The following DOCK3 variants were observed in gnomAD, a reference collection of about 807,000 sequenced individuals.
DOCK3 encodes dedicator of cytokinesis protein 3.
DOCK3 carries 60 observed loss-of-function variants against 265.6 expected under a neutral mutation model. The observed-to-expected ratio is 0.23, with a 90% confidence interval of 0.18 to 0.28. The LOEUF (loss-of-function observed/expected upper bound fraction) is 0.28. Ranked by LOEUF, DOCK3 falls within the 10% of genes least tolerant of loss-of-function variation. The pLI, the probability that DOCK3 is intolerant of heterozygous loss-of-function variation, is 1.00. For missense variants in DOCK3, 1,981 were observed against 2,594.3 expected (o/e 0.76, Z 5.14); for synonymous variants, 881 against 938.0 (o/e 0.94, Z 1.11).
At chr3:50,930,087 C>T (rs542500070) in intron 4 of DOCK3, among the ~76,000 whole-genome samples, 1 of 152,228 alleles carries the variant, frequency 6.6e-6, no homozygotes, top group South Asian at 2.1e-4. Context: ...GCAGTTGAGG[C>T]CAAATTATCA....
intron 23 of DOCK3, among the ~76,000 whole-genome samples, chr3:51,262,496 C>CA (rs1242686043): frequency 6.6e-6 from 1 of 151,946 alleles, no homozygotes; most frequent in Non-Finnish European, 1.5e-5. Flanking sequence ...TCCAAAAAAC[C>CA]AGAACGCCTC....
chr3:51,279,989 C>T, intron 26 of DOCK3, 117 bp from the exon 27 acceptor site: 1 of 760,286 alleles, frequency 1.3e-6, no homozygotes, highest in Non-Finnish European at 2.2e-6. Context: ...TGTCATCTTT[C>T]TTCCATGATC....
chr3:51,031,116 T>A (rs1230811606), intron 5 of DOCK3, among the ~76,000 whole-genome samples: 1 of 152,234 alleles, frequency 6.6e-6, no homozygotes, highest in Non-Finnish European at 1.5e-5. Flanking sequence ...TTCATACTTT[T>A]CAATTTGCTA....
intron 5 of DOCK3, among the ~76,000 whole-genome samples, chr3:51,018,730 C>A (rs1000802850): frequency 2.6e-5 from 4 of 151,790 alleles, no homozygotes; most frequent in African/African-American, 9.7e-5. Context: ...ACAGGTATGG[C>A]ATTTTCCACT....
intron 22 of DOCK3, among the ~76,000 whole-genome samples, chr3:51,256,692 C>G (rs1423203673): frequency 6.7e-6 from 1 of 149,854 alleles, no homozygotes; most frequent in Admixed American, 6.7e-5. Context: ...CTCCCGTGTT[C>G]AAGCGATTCT....
In DOCK3 at chr3:51,245,390, C is replaced by CTT. The variant is rs71084137; in HGVS notation, c.2103-1319_2103-1318dup. Among the ~76,000 whole-genome samples, 987 of 106,646 alleles carry CTT rather than the reference C, an allele frequency of 9.3e-3. 18 individuals carry two copies. Among genetic ancestry groups the CTT allele is most frequent in the African/African-American group, 0.03 (859 of 29,002 alleles). The allele number at this position is 106,646 out of a possible 152,430, so 70.0% of individuals were successfully genotyped here. On this transcript the variant is annotated intron_variant, in intron 21 of 52. Coordinates refer to ENST00000266037, the MANE Select transcript of DOCK3 (RefSeq NM_004947.5). ...GCAATAAGAAATCACCATTTTCTTT[C>CTT]TTTTTTTTTTTTTTTTTTGAGACGG...
At chr3:50,956,190 T>C (rs996559111) in intron 5 of DOCK3, among the ~76,000 whole-genome samples, 3 of 152,212 alleles carry the variant, frequency 2.0e-5, no homozygotes, top group Admixed American at 2.0e-4. Flanking sequence ...AACTTCATAT[T>C]TCATTTTATA....
chr3:50,871,721 G>T (rs1488878672), intron 3 of DOCK3, among the ~76,000 whole-genome samples: 1 of 151,646 alleles, frequency 6.6e-6, no homozygotes, highest in East Asian at 1.9e-4. Context: ...TTTAACTTTT[G>T]TCTCCTTTGT....
Position 51,125,829 on chromosome 3 carries a change from G to C in DOCK3, c.747-20720G>C, listed in dbSNP as rs2084243442. ...ATGTTCACGTTGTGGCAAGGAACTGGAAAGCACAGAACAAGAGTATCAATA... is the reference window on the plus strand; with the variant it reads ...ATGTTCACGTTGTGGCAAGGAACTGCAAAGCACAGAACAAGAGTATCAATA... On this transcript the variant is annotated intron_variant, in intron 9 of 52. Coordinates refer to ENST00000266037, the MANE Select transcript of DOCK3 (RefSeq NM_004947.5). Among the ~76,000 whole-genome samples, 2 of 152,150 alleles carry C rather than the reference G, an allele frequency of 1.3e-5. 1 individual carries two copies. Among genetic ancestry groups the C allele is most frequent in the East Asian group, 3.9e-4 (2 of 5,192 alleles).
intron 1 of DOCK3, among the ~76,000 whole-genome samples, chr3:50,704,522 G>T (rs917292832): frequency 7.9e-5 from 12 of 151,634 alleles, no homozygotes; most frequent in African/African-American, 2.9e-4. Flanking sequence ...TAATGACTTT[G>T]TTACTATAAT....
chr3:50,730,610 T>C (rs1184053079), intron 1 of DOCK3, among the ~76,000 whole-genome samples: 20 of 150,570 alleles, frequency 1.3e-4, no homozygotes, highest in Admixed American at 1.3e-3. Context: ...GGAGGGTCTC[T>C]TGAGGCCAAG....
intron 32 of DOCK3, among the ~76,000 whole-genome samples, chr3:51,320,906 A>C (rs1201792537): frequency 6.6e-6 from 1 of 152,260 alleles, no homozygotes; most frequent in African/African-American, 2.4e-5. Flanking sequence ...CAACTTCAGC[A>C]GACTTAAACG....
intron 3 of DOCK3, among the ~76,000 whole-genome samples, chr3:50,859,044 C>A (rs2046767728): frequency 6.6e-6 from 1 of 151,932 alleles, no homozygotes; most frequent in Admixed American, 6.6e-5. Context: ...TGTCCTTTAG[C>A]TCCTGTATCA....
At chr3:51,309,390 C>T (rs924960059) in intron 27 of DOCK3, among the ~76,000 whole-genome samples, 17 of 152,176 alleles carry the variant, frequency 1.1e-4, no homozygotes, top group African/African-American at 2.2e-4. Flanking sequence ...GAGACCAGCC[C>T]GGCCAACCCA....
intron 12 of DOCK3, among the ~76,000 whole-genome samples, chr3:51,203,613 C>A (rs1408162915): frequency 6.6e-6 from 1 of 152,126 alleles, no homozygotes; most frequent in East Asian, 1.9e-4. Context: ...AGATTCAATG[C>A]CATCCCCATC....
At chr3:51,328,758 TGAGA>T (rs1474138978) in intron 32 of DOCK3, among the ~76,000 whole-genome samples, 5 of 152,190 alleles carry the variant, frequency 3.3e-5, no homozygotes, top group Non-Finnish European at 7.4e-5. Context: ...CTCTGTAGAG[TGAGA>T]AAGGCTTCTG....
At chr3:51,213,026 G>C (rs2089598951) in intron 13 of DOCK3, among the ~76,000 whole-genome samples, 1 of 151,904 alleles carries the variant, frequency 6.6e-6, no homozygotes. Context: ...TAAAATATCT[G>C]TAACTCTTCT....
chr3:51,022,402 C>T (rs541211089), intron 5 of DOCK3, among the ~76,000 whole-genome samples: 1 of 152,252 alleles, frequency 6.6e-6, no homozygotes, highest in East Asian at 1.9e-4. Flanking sequence ...GTTCTTAGCA[C>T]TAATTGAATT....
rs967835089 is a variant in DOCK3, at chr3:50,675,797, G to A, written c.37+497G>A. ...TTTGGACATTTGACTGCAAATGTTTGATCTGTTTTAATTTGTTTTGCCTTT... is the reference window on the plus strand; with the variant it reads ...TTTGGACATTTGACTGCAAATGTTTAATCTGTTTTAATTTGTTTTGCCTTT... On this transcript the variant is annotated intron_variant, in intron 1 of 52. Transcript: ENST00000266037. The surrounding 1 kb of genome is among the most constrained non-coding windows in gnomAD (Gnocchi z 6.1). Among the ~76,000 whole-genome samples, 1 of 152,060 alleles carries A rather than the reference G, an allele frequency of 6.6e-6. No homozygotes were observed. The highest frequency in any genetic ancestry group is 2.4e-5 in the African/African-American group (1 of 41,408).
Sources: gnomAD v4.1 joint callset for allele counts (sites outside exome capture counted in the v4.1 genomes callset) on GRCh38, gnomAD v4.1.1 for gene constraint, Gnocchi (gnomAD v3.1) non-coding constraint, MANE v1.5 for transcripts, NCBI Gene and HGNC (gene_info 2026-07-23, HGNC 2026-07-21) for gene names.